Variants in ATRNL1 observed in about 807,000 individuals in gnomAD.
ATRNL1 encodes the protein attractin-like protein 1.
Under a neutral mutation model 182.7 loss-of-function variants are expected in ATRNL1, and 95 were observed. That is an observed-to-expected ratio of 0.52 (90% CI 0.44 to 0.62). The LOEUF (loss-of-function observed/expected upper bound fraction) is 0.62. Ranked by LOEUF, ATRNL1 falls within the 20% of genes least tolerant of loss-of-function variation. The pLI is 0.00. For missense variants in ATRNL1, 1,471 were observed against 1,679.5 expected (o/e 0.88, Z 2.17); for synonymous variants, 576 against 568.3 (o/e 1.01, Z -0.19).
chr10:115,920,259 G>T (rs1953009668), intron 28 of ATRNL1, among the ~76,000 whole-genome samples: 1 of 152,146 alleles, frequency 6.6e-6, no homozygotes, highest in Non-Finnish European at 1.5e-5. Context: ...CGGATATCCA[G>T]CAGGTCACTC....
chr10:115,844,515 AT>A (rs1213620657), intron 27 of ATRNL1, among the ~76,000 whole-genome samples: 2 of 152,120 alleles, frequency 1.3e-5, no homozygotes, highest in Admixed American at 6.6e-5. Flanking sequence ...CTCTGGTAAC[AT>A]TTTTTTCTGT....
At chr10:115,442,538 C>T (rs1228383722) in intron 21 of ATRNL1, among the ~76,000 whole-genome samples, 1 of 152,006 alleles carries the variant, frequency 6.6e-6, no homozygotes, top group African/African-American at 2.4e-5. Flanking sequence ...GCCAGATGGT[C>T]TCTGTTGTTC....
intron 28 of ATRNL1, among the ~76,000 whole-genome samples, chr10:115,857,769 T>G (rs1951221014): frequency 6.6e-6 from 1 of 152,208 alleles, no homozygotes; most frequent in African/African-American, 2.4e-5. Context: ...CTTTAAAAGT[T>G]AATTCAAATA....
At chr10:115,752,737 AAT>A (rs1400971661) in intron 27 of ATRNL1, among the ~76,000 whole-genome samples, 6 of 152,100 alleles carry the variant, frequency 3.9e-5, no homozygotes, top group African/African-American at 1.4e-4. Context: ...GTACTCCATA[AAT>A]AGACAAGAAA....
chr10:115,398,734 A>G (rs1844410757), intron 20 of ATRNL1, among the ~76,000 whole-genome samples: 1 of 152,000 alleles, frequency 6.6e-6, no homozygotes, highest in Admixed American at 6.6e-5. Flanking sequence ...AGAACTTCAG[A>G]TACTATGTTG....
At chr10:115,750,214 G>T (rs115857799) in intron 27 of ATRNL1, among the ~76,000 whole-genome samples, 1,775 of 151,898 alleles carry the variant, frequency 0.012, 32 homozygotes, top group African/African-American at 0.04. Context: ...ACACTAATGG[G>T]CAGGTTGTTA....
At chr10:115,207,676 C>T (rs79874043) in intron 8 of ATRNL1, among the ~76,000 whole-genome samples, 1,881 of 151,814 alleles carry the variant, frequency 0.012, 31 homozygotes, top group African/African-American at 0.042. Flanking sequence ...CCTCCCCTTG[C>T]CCCCCCACAT....
chr10:115,551,070 T>C (rs1835446394), intron 26 of ATRNL1, among the ~76,000 whole-genome samples: 1 of 151,806 alleles, frequency 6.6e-6, no homozygotes, highest in South Asian at 2.1e-4. Flanking sequence ...TCCTTACCTC[T>C]TAAAAGAAGG....
chr10:115,909,155 G>T (rs551903741), intron 28 of ATRNL1, among the ~76,000 whole-genome samples: 1 of 151,106 alleles, frequency 6.6e-6, no homozygotes, highest in East Asian at 1.9e-4. Context: ...CCCCCTAGGC[G>T]CAATCCCCCT....
intron 26 of ATRNL1, among the ~76,000 whole-genome samples, chr10:115,607,355 T>C (rs2133956497): frequency 6.6e-6 from 1 of 151,964 alleles, no homozygotes. Flanking sequence ...CTATTTGAAT[T>C]CTCTGTTTAT....
intron 5 of ATRNL1, among the ~76,000 whole-genome samples, chr10:115,153,582 T>C (rs373373316): frequency 6.6e-6 from 1 of 152,186 alleles, no homozygotes; most frequent in Admixed American, 6.5e-5. Flanking sequence ...TTTTATTGCA[T>C]CTATTTGATT....
chr10:115,463,328 A>AAT (rs1847903634), intron 22 of ATRNL1, among the ~76,000 whole-genome samples: 1 of 152,136 alleles, frequency 6.6e-6, no homozygotes, highest in African/African-American at 2.4e-5. Context: ...ATTCTTGGGG[A>AAT]ATACATTTAA....
intron 27 of ATRNL1, among the ~76,000 whole-genome samples, chr10:115,803,703 AT>A: frequency 6.6e-6 from 1 of 151,866 alleles, no homozygotes; most frequent in South Asian, 2.1e-4. Context: ...ACTATAGGCC[AT>A]TTTTCCATGT....
In ATRNL1 at chr10:115,727,260, G is replaced by T; in HGVS notation, c.3808G>T (p.Glu1270Ter). The change falls in exon 27 of 29, where the codon GAA (glutamate) becomes TAA (stop). Residue 1270 changes from glutamate (E) to a stop codon, truncating the protein, a stop_gained. Transcript: ENST00000355044. LOFTEE classifies it high-confidence loss of function. ...TAACCCCCTCCAGCAACTGCTTCGA[G>T]AACGACAGCAGATGGCCAGCCGTCC... The part of the protein sequence containing the change: ...ASRRREQLLR[E>*]RQQMASRPFA... 1.2e-6 allele frequency: 2 copies of T among 1,613,876 alleles called. No individual in the cohort carries two copies. The highest frequency in any genetic ancestry group is 1.7e-6 in the Non-Finnish European group (2 of 1,179,814).
At chr10:115,914,018 G>A (rs1193607698) in intron 28 of ATRNL1, among the ~76,000 whole-genome samples, 1 of 152,154 alleles carries the variant, frequency 6.6e-6, no homozygotes, top group Admixed American at 6.5e-5. Context: ...GACCTCATGG[G>A]AGGTGATTAG....
At chr10:115,380,347 C>A (rs1554950741) in intron 19 of ATRNL1, among the ~76,000 whole-genome samples, 2 of 152,046 alleles carry the variant, frequency 1.3e-5, no homozygotes, top group African/African-American at 4.8e-5. Context: ...ATTTTTCAAA[C>A]ATCTCTGTTA....
chr10:115,599,795 T>C (rs1169904760), intron 26 of ATRNL1, among the ~76,000 whole-genome samples: 8 of 152,160 alleles, frequency 5.3e-5, no homozygotes, highest in African/African-American at 1.9e-4. Flanking sequence ...TGTCACTCTA[T>C]AACAATGTGC....
chr10:115,705,125 C>T (rs1946857166), intron 26 of ATRNL1, among the ~76,000 whole-genome samples: 1 of 151,916 alleles, frequency 6.6e-6, no homozygotes, highest in East Asian at 1.9e-4. Flanking sequence ...GATCTGTACT[C>T]AGTAAATGTT....
intron 17 of ATRNL1, among the ~76,000 whole-genome samples, chr10:115,303,221 G>GTTTTT (rs5788103): frequency 3.7e-5 from 4 of 107,024 alleles, no homozygotes; most frequent in Non-Finnish European, 6.8e-5. Context: ...TGGTATGCAG[G>GTTTTT]TTTTTTTTTT....
Sources: gnomAD v4.1 joint callset for allele counts (sites outside exome capture counted in the v4.1 genomes callset) on GRCh38, gnomAD v4.1.1 for gene constraint, MANE v1.5 for transcripts, NCBI Gene and HGNC (gene_info 2026-07-23, HGNC 2026-07-21) for gene names.